The following MORN1 variants were observed in gnomAD, a reference collection of about 807,000 sequenced individuals.
MORN1 encodes the protein MORN repeat-containing protein 1.
In MORN1, 67 loss-of-function variants were observed where a neutral mutation model predicts 61.9. That is an observed-to-expected ratio of 1.08 (90% confidence interval 0.89 to 1.33). The LOEUF (loss-of-function observed/expected upper bound fraction) is 1.33, where lower values mean the gene tolerates loss of function less well. Ranked by LOEUF, MORN1 falls within the 40% of genes most tolerant of loss-of-function variation. The pLI is 0.00. For synonymous variants in MORN1, 301 were observed against 292.0 expected (o/e 1.03, Z -0.31); for missense variants, 752 against 691.2 (o/e 1.09, Z -0.99).
chr1:2,329,499 GC>G (rs1343012733), intron 12 of MORN1, among the ~76,000 whole-genome samples: 3 of 152,288 alleles, frequency 2.0e-5, no homozygotes, highest in South Asian at 2.1e-4. Flanking sequence ...TGGGGGCCCA[GC>G]CCCCCGCCTG....
intron 12 of MORN1, among the ~76,000 whole-genome samples, chr1:2,324,421 G>A (rs1016321504): frequency 1.3e-5 from 2 of 152,302 alleles, no homozygotes; most frequent in Non-Finnish European, 1.5e-5. Flanking sequence ...GAGTGGGACC[G>A]ACCACCCCAT....
chr1:2,325,128 TTCCTTCCCTCCCTCCC>T (rs1557865200), intron 12 of MORN1, among the ~76,000 whole-genome samples: 3 of 87,974 alleles, frequency 3.4e-5, no homozygotes, highest in African/African-American at 2.1e-4. Context: ...CTTCCCTTCC[TTCCTTCCCTCCCTCCC>T]TCCCTTCCTT....
At chr1:2,381,333 C>T (rs549029538) in intron 6 of MORN1, among the ~76,000 whole-genome samples, 7 of 152,346 alleles carry the variant, frequency 4.6e-5, no homozygotes, top group South Asian at 4.1e-4. Flanking sequence ...CTGGAGAAGG[C>T]GCTGGAGGAG....
intron 10 of MORN1, among the ~76,000 whole-genome samples, chr1:2,354,425 G>A (rs1326711530): frequency 1.3e-5 from 2 of 152,104 alleles, no homozygotes; most frequent in Non-Finnish European, 2.9e-5. Context: ...ATATTAGCCG[G>A]GCACGGTGGC....
chr1:2,341,324 C>T (rs1641389230), intron 10 of MORN1, among the ~76,000 whole-genome samples: 1 of 152,136 alleles, frequency 6.6e-6, no homozygotes, highest in South Asian at 2.1e-4. Flanking sequence ...CCCCCAACAT[C>T]ACCCCCTTCC....
chr1:2,324,769 G>C (rs1640964172), intron 12 of MORN1, among the ~76,000 whole-genome samples: 1 of 152,146 alleles, frequency 6.6e-6, no homozygotes, highest in Admixed American at 6.5e-5. Context: ...CCCTGAGGCA[G>C]TCTCTGGGGG....
At chr1:2,355,288 G>C in intron 10 of MORN1, 1 of 1,446,926 alleles carries the variant, frequency 6.9e-7, no homozygotes, top group East Asian at 2.5e-5. Context: ...GGCCCCCCGT[G>C]GGCCTGTTGG....
intron 6 of MORN1, chr1:2,379,107 A>G (rs1166638229): frequency 2.1e-6 from 1 of 471,074 alleles, no homozygotes; most frequent in East Asian, 6.9e-5. Context: ...CAGAAAACAC[A>G]CCTGCTGTCG....
At chr1:2,387,285 G>A (rs1029928204) in intron 4 of MORN1, 134 bp downstream of exon 4, 8 of 718,740 alleles carry the variant, frequency 1.1e-5, no homozygotes, top group Non-Finnish European at 2.0e-5. Context: ...AAGAGGGCAT[G>A]GGCCCCCTAC....
intron 12 of MORN1, 129 bp from the exon 13 acceptor site, chr1:2,324,272 A>G: frequency 1.1e-6 from 1 of 922,280 alleles, no homozygotes; most frequent in Non-Finnish European, 1.6e-6. Context: ...AGGCCTGCGA[A>G]CCCCACCTCG....
intron 12 of MORN1, among the ~76,000 whole-genome samples, chr1:2,325,119 T>TTCCCTTCCC (rs1640980216): frequency 1.8e-5 from 1 of 55,630 alleles, no homozygotes; most frequent in African/African-American, 1.2e-4. Flanking sequence ...CTTCCCTTCC[T>TTCCCTTCCC]TCCCTTCCTT....
At chr1:2,380,651 C>T (rs905257266) in intron 6 of MORN1, among the ~76,000 whole-genome samples, 3 of 152,032 alleles carry the variant, frequency 2.0e-5, no homozygotes, top group Non-Finnish European at 4.4e-5. Flanking sequence ...TTCAAGCGAT[C>T]CTCCCTCCTC....
chr1:2,374,361 A>G, intron 7 of MORN1, 100 bp downstream of exon 7: 1 of 975,680 alleles, frequency 1.0e-6, no homozygotes, highest in Non-Finnish European at 1.6e-6. Context: ...ACCCCTCCCC[A>G]GTGTGCTCTT....
chr1:2,363,512 T>C (rs1641936189), intron 8 of MORN1: 1 of 151,862 alleles, frequency 6.6e-6, no homozygotes, highest in Admixed American at 6.6e-5. Flanking sequence ...ATCCCAGCAC[T>C]TTGGGAGGCC....
intron 13 of MORN1, 112 bp from the exon 14 acceptor site, chr1:2,321,691 T>C (rs1640884836): frequency 7.6e-7 from 1 of 1,315,486 alleles, no homozygotes; most frequent in Non-Finnish European, 1.0e-6. Flanking sequence ...CCCCCGACCC[T>C]GGTCATCTCT....
chr1:2,331,125 C>T lies in MORN1; in HGVS notation c.1250+5344G>A, dbSNP rs377496109. Among the ~76,000 whole-genome samples the T allele has an allele frequency of 6.6e-5, 10 of 152,338 alleles. No individual in the cohort carries two copies. The South Asian group carries it at 1.4e-3, about 22-fold the overall frequency. On this transcript the variant is annotated intron_variant, in intron 12 of 13. Coordinates refer to ENST00000378531, the MANE Select transcript of MORN1 (RefSeq NM_024848.3). ...CCGCCCACTACAGGGAGGGCCATCCCGTCCACCCTGTCTCCCCTCCCACAA... is the reference window on the plus strand; with the variant it reads ...CCGCCCACTACAGGGAGGGCCATCCTGTCCACCCTGTCTCCCCTCCCACAA...
chr1:2,355,480 C>T lies in MORN1; in HGVS notation c.1036+1952G>A, dbSNP rs1001251108. On this transcript the variant is annotated intron_variant, in intron 10 of 13. Transcript: ENST00000378531. Reference sequence around the variant, plus strand: ...AGTGAGCTCCCTGCAAGCACAGACCCCCGAGGCTCTGAGGCTCTGGGGCTT... The same window carrying T: ...AGTGAGCTCCCTGCAAGCACAGACCTCCGAGGCTCTGAGGCTCTGGGGCTT... 36 of 1,550,230 alleles carry T rather than the reference C, an allele frequency of 2.3e-5. No homozygotes were observed. In the East Asian group the frequency reaches 6.6e-4, roughly 28 times the overall value.
At chr1:2,353,332 C>T (rs1161769166) in intron 10 of MORN1, among the ~76,000 whole-genome samples, 1 of 152,270 alleles carries the variant, frequency 6.6e-6, no homozygotes, top group Non-Finnish European at 1.5e-5. Flanking sequence ...AAAGCCGGCC[C>T]CCCTGTCCCT....
intron 12 of MORN1, chr1:2,331,988 G>A (rs34058136): frequency 0.056 from 7,272 of 129,254 alleles, 776 homozygotes; most frequent in Non-Finnish European, 0.081. Context: ...CCGCCCCTGC[G>A]CCTCTCCCGC....
Sources: allele counts gnomAD v4.1 joint callset (sites outside exome capture counted in the v4.1 genomes callset), GRCh38; gene constraint gnomAD v4.1.1; transcripts MANE v1.5; gene names NCBI Gene and HGNC (gene_info 2026-07-23, HGNC 2026-07-21).